Variants in EPHA3 observed in about 807,000 individuals in gnomAD.
The protein encoded by EPHA3 is EPH receptor A3, also known as ephrin type-A receptor 3.
In EPHA3, 42 loss-of-function variants were observed where a neutral mutation model predicts 107.1. That is an observed-to-expected ratio of 0.39 (90% CI 0.31 to 0.51). The LOEUF is 0.51. Among genes scored for constraint, EPHA3 ranks in the 20% least tolerant of loss-of-function variants. EPHA3 has a pLI of 0.78. For missense variants in EPHA3, 1,183 were observed against 1,211.2 expected (o/e 0.98, Z 0.35); for synonymous variants, 461 against 424.8 (o/e 1.09, Z -1.05).
intron 7 of EPHA3, 75 bp from the exon 8 acceptor site, chr3:89,407,194 A>C: frequency 2.0e-6 from 2 of 1,006,218 alleles, no homozygotes; most frequent in Non-Finnish European, 3.1e-6. Flanking sequence ...TAATTAATGA[A>C]TCAATCAACT....
At chr3:89,158,149 A>G (rs1704846949) in intron 2 of EPHA3, among the ~76,000 whole-genome samples, 1 of 152,184 alleles carries the variant, frequency 6.6e-6, no homozygotes, top group Non-Finnish European at 1.5e-5. Flanking sequence ...AGATGAAAAC[A>G]AAACTACAAT....
intron 5 of EPHA3, among the ~76,000 whole-genome samples, chr3:89,369,522 C>T (rs376848915): frequency 6.6e-6 from 1 of 150,382 alleles, no homozygotes; most frequent in Middle Eastern, 3.2e-3. Context: ...GGATTAAAGA[C>T]TTAAATGTTA....
chr3:89,399,268 G>A lies in EPHA3; in HGVS notation c.1432-50G>A, dbSNP rs183229724. Reference sequence around the variant, plus strand: ...GTGGTTCACTGTTTATCATTTTATAGCATTATGAAGATTTGATTTTAACAT... The same window carrying A: ...GTGGTTCACTGTTTATCATTTTATAACATTATGAAGATTTGATTTTAACAT... On this transcript the variant is annotated intron_variant, in intron 6 of 16. Transcript: ENST00000336596. The A allele has an allele frequency of 7.8e-6, 12 of 1,534,338 alleles. No homozygotes were observed. The East Asian group carries it at 9.1e-5, about 12-fold the overall frequency.
intron 2 of EPHA3, among the ~76,000 whole-genome samples, chr3:89,135,999 G>T (rs1234872388): frequency 6.6e-6 from 1 of 152,104 alleles, no homozygotes; most frequent in Non-Finnish European, 1.5e-5. Flanking sequence ...TGCTATTTGG[G>T]AAGTTTGGGT....
chr3:89,153,972 C>G (rs771348902), intron 2 of EPHA3, among the ~76,000 whole-genome samples: 32 of 152,040 alleles, frequency 2.1e-4, no homozygotes, highest in Non-Finnish European at 4.0e-4. Context: ...CTGCTTTTAT[C>G]TCTGAGCTTC....
intron 3 of EPHA3, among the ~76,000 whole-genome samples, chr3:89,228,327 G>C (rs927669833): frequency 4.6e-5 from 7 of 151,800 alleles, no homozygotes; most frequent in African/African-American, 1.7e-4. Context: ...GAAAAAATTG[G>C]ACAAAATAAC....
chr3:89,203,259 TG>T (rs1369964406), intron 2 of EPHA3, among the ~76,000 whole-genome samples: 8 of 150,044 alleles, frequency 5.3e-5, no homozygotes, highest in South Asian at 2.1e-4. Flanking sequence ...TTGTTGTTGT[TG>T]TTTTTTTTTT....
At chr3:89,122,536 C>T (rs1427356512) in intron 1 of EPHA3, among the ~76,000 whole-genome samples, 1 of 152,148 alleles carries the variant, frequency 6.6e-6, no homozygotes, top group African/African-American at 2.4e-5. Flanking sequence ...GAAAGATCTG[C>T]TTCAGTAAAA....
chr3:89,278,657 T>G (rs545081561), intron 3 of EPHA3, among the ~76,000 whole-genome samples: 3 of 152,174 alleles, frequency 2.0e-5, no homozygotes, highest in African/African-American at 7.2e-5. Flanking sequence ...GTACACAAAT[T>G]AGGAATAAAA....
At position 89,154,430 on chromosome 3, in the gene EPHA3, A is replaced by G. The variant is rs371250418; in HGVS notation, c.153+27157A>G. Reference sequence around the variant, plus strand: ...TTTTCAGAAAAAGTTATGAGTATCAATGGACTGTGTGGTGCTTATATACTG... The same window carrying G: ...TTTTCAGAAAAAGTTATGAGTATCAGTGGACTGTGTGGTGCTTATATACTG... On this transcript the variant is annotated intron_variant, in intron 2 of 16. Coordinates refer to ENST00000336596, the MANE Select transcript of EPHA3 (RefSeq NM_005233.6). Among the ~76,000 whole-genome samples the G allele has an allele frequency of 4.6e-5, 7 of 151,946 alleles. No homozygotes were observed. In the East Asian group the frequency reaches 1.2e-3, roughly 25 times the overall value.
chr3:89,288,669 T>A (rs1461925975), intron 3 of EPHA3, among the ~76,000 whole-genome samples: 1 of 152,146 alleles, frequency 6.6e-6, no homozygotes, highest in Admixed American at 6.6e-5. Flanking sequence ...AGTTTCATAG[T>A]AAATACTGTT....
intron 5 of EPHA3, among the ~76,000 whole-genome samples, chr3:89,367,801 T>C (rs796712671): frequency 1.3e-5 from 2 of 150,748 alleles, no homozygotes; most frequent in Admixed American, 6.7e-5. Context: ...TCAGACTAAG[T>C]GCCAGCACTT....
intron 2 of EPHA3, among the ~76,000 whole-genome samples, chr3:89,177,740 C>CAA (rs1705350859): frequency 3.3e-5 from 5 of 152,158 alleles, no homozygotes; most frequent in Non-Finnish European, 7.4e-5. Context: ...CTGTACATCT[C>CAA]CTGTGGGTAA....
At chr3:89,199,470 G>C (rs940702610) in intron 2 of EPHA3, among the ~76,000 whole-genome samples, 1 of 151,658 alleles carries the variant, frequency 6.6e-6, no homozygotes, top group Non-Finnish European at 1.5e-5. Flanking sequence ...TCTTGACAAT[G>C]GTGAATTATA....
At chr3:89,314,986 G>A (rs567782044) in intron 3 of EPHA3, among the ~76,000 whole-genome samples, 5 of 151,792 alleles carry the variant, frequency 3.3e-5, no homozygotes, top group South Asian at 4.2e-4. Context: ...CTACAAATCT[G>A]TACAGCATGT....
rs183484057 is a variant in EPHA3 at position 89,283,989 on chromosome 3, C to G, written c.815-56927C>G. Among the ~76,000 whole-genome samples, 6 of 152,048 alleles carry G rather than the reference C, an allele frequency of 3.9e-5. No individual in the cohort carries two copies. The East Asian group carries it at 1.2e-3, about 29-fold the overall frequency. On this transcript the variant is annotated intron_variant, in intron 3 of 16. Transcript: ENST00000336596. The stretch of plus-strand genomic sequence containing the variant: ...GAATACAGAGACATTTGTGCAGTCA[C>G]AAATGTTTAAATTCCTACTGCCACA...
chr3:89,286,733 A>C (rs1322485457), intron 3 of EPHA3, among the ~76,000 whole-genome samples: 1 of 152,152 alleles, frequency 6.6e-6, no homozygotes, highest in Non-Finnish European at 1.5e-5. Flanking sequence ...GGTATGTTTG[A>C]AAGTCATTTT....
At chr3:89,352,902 CAA>C (rs1215369952) in intron 5 of EPHA3, among the ~76,000 whole-genome samples, 25 of 40,996 alleles carry the variant, frequency 6.1e-4, no homozygotes, top group African/African-American at 1.5e-3. Context: ...GACTCTGTCT[CAA>C]AAAAAAAAAA....
chr3:89,309,254 C>G (rs2107358469), intron 3 of EPHA3, among the ~76,000 whole-genome samples: 1 of 152,144 alleles, frequency 6.6e-6, no homozygotes, highest in Middle Eastern at 3.4e-3. Flanking sequence ...ACTCTTTCCA[C>G]AAATATTTTC....
Sources: allele counts gnomAD v4.1 joint callset (sites outside exome capture counted in the v4.1 genomes callset), GRCh38; gene constraint gnomAD v4.1.1; transcripts MANE v1.5; gene names NCBI Gene and HGNC (gene_info 2026-07-23, HGNC 2026-07-21).